ZNF718: variants seen among roughly 807,000 people sequenced by gnomAD.
ZNF718 encodes zinc finger protein 718.
ZNF718 carries 3 observed loss-of-function variants against 2.6 expected under a neutral mutation model. That is an observed-to-expected ratio of 1.16 (90% CI 0.53 to 3.01). The LOEUF (loss-of-function observed/expected upper bound fraction) is 3.01, where lower values mean the gene tolerates loss of function less well. Among genes scored for constraint, ZNF718 ranks in the 30% most tolerant of loss-of-function variants. ZNF718 has a pLI of 0.03. For missense variants in ZNF718, 468 were observed against 230.0 expected, an observed-to-expected ratio of 2.03 and a Z score of -6.69; for synonymous variants, 135 against 77.9, an observed-to-expected ratio of 1.73 and a Z score of -3.86.
At chr4:134,424 G>A (rs370803352) in intron 3 of ZNF718, among the ~76,000 whole-genome samples, 2 of 152,188 alleles carry the variant, frequency 1.3e-5, no homozygotes, top group South Asian at 2.1e-4. Flanking sequence ...GATTACAGGC[G>A]TGAGCCACCG....
rs1423208663 is a variant in ZNF718 at position 164,009 on chromosome 4, C to T, written c.*1887C>T. ...CCTCAAGCATTTATCCTTTGTATTA[C>T]AAACAATCCAATTATACACTTCATT... On this transcript the variant is annotated 3_prime_UTR_variant, in exon 4 of 4. Transcript: ENST00000510175. 6.6e-6 allele frequency: 1 copy of T among 151,970 alleles called. No homozygotes were observed. The highest frequency in any genetic ancestry group is 6.6e-5 in the Admixed American group (1 of 15,254). 9.4% of individuals were successfully genotyped at this position (151,970 alleles called of 1,614,324 possible). A position where few individuals can be genotyped will look rare whatever the true frequency, so the allele number is the denominator to read the frequency against.
intron 3 of ZNF718, among the ~76,000 whole-genome samples, chr4:148,450 A>G (rs1339622115): frequency 6.6e-6 from 1 of 151,848 alleles, no homozygotes. Context: ...CTCTACTAAA[A>G]ATACAAAAAT....
chr4:137,612 C>T (rs1344457956), intron 3 of ZNF718, among the ~76,000 whole-genome samples: 1 of 152,026 alleles, frequency 6.6e-6, no homozygotes, highest in Non-Finnish European at 1.5e-5. Flanking sequence ...AAAATTTTTT[C>T]AATAATTGTT....
At position 134,232 on chromosome 4, in the gene ZNF718, T is replaced by C. The variant is rs1277993852; in HGVS notation, c.226+2727T>C. Among the ~76,000 whole-genome samples, 62 of 152,308 alleles carry C rather than the reference T, an allele frequency of 4.1e-4. 1 individual carries two copies. Among genetic ancestry groups the C allele is most frequent in the African/African-American group, 1.4e-3 (59 of 41,570 alleles). ...CGCGATATCTACTCACTGCAAGGTC[T>C]GCCTCCCGGGTTCACACCATTCTCC... On this transcript the variant is annotated intron_variant, in intron 3 of 3. Transcript: ENST00000510175.
At chr4:183,445 C>G (rs1717505838) in intron 3 of ZNF718, among the ~76,000 whole-genome samples, 1 of 152,144 alleles carries the variant, frequency 6.6e-6, no homozygotes, top group African/African-American at 2.4e-5. Flanking sequence ...ATGCCTCCAG[C>G]TTTGTTCTTT....
chr4:161,490 A>T lies in ZNF718; in HGVS notation c.805A>T (p.Thr269Ser), dbSNP rs1553815138. Residue 269 changes from threonine (T) to serine (S), a missense_variant, in exon 4 of 4, where the codon ACC (threonine) becomes TCC (serine). By Grantham distance (58) the Thr-to-Ser change is moderately conservative. Coordinates refer to ENST00000510175, the MANE Select transcript of ZNF718 (RefSeq NM_001039127.6). ...TGGTAAAGCTTTTAACCAATCCTCA[A>T]CCCTTAATTTACATAAGAGAATTCA... Reference protein sequence around the residue: ...KCGKAFNQSSTLNLHKRIHSA... With the variant: ...KCGKAFNQSSSLNLHKRIHSA... The T allele has an allele frequency of 1.3e-6, 1 of 780,684 alleles. No individual in the cohort carries two copies. 48.4% of individuals were successfully genotyped at this position (780,684 alleles called of 1,614,324 possible). A position where few individuals can be genotyped will look rare whatever the true frequency, so the allele number is the denominator to read the frequency against.
chr4:153,566 T>TTCTTTTTCAG (rs1278165941), intron 3 of ZNF718, among the ~76,000 whole-genome samples: 1 of 151,668 alleles, frequency 6.6e-6, no homozygotes, highest in African/African-American at 2.4e-5. Context: ...CAGTTTTTCA[T>TTCTTTTTCAG]ATTTTTATCA....
intron 3 of ZNF718, among the ~76,000 whole-genome samples, chr4:198,323 C>T (rs1453931270): frequency 2.6e-5 from 4 of 152,176 alleles, no homozygotes; most frequent in Admixed American, 6.5e-5. Flanking sequence ...GACAGGCTCA[C>T]AGGGAGGCAT....
At chr4:124,733 A>G (rs1715115394) in intron 1 of ZNF718, 60 bp downstream of exon 1, 1 of 1,599,538 alleles carries the variant, frequency 6.3e-7, no homozygotes, top group African/African-American at 1.3e-5. Flanking sequence ...CCGGCGGGAA[A>G]TGGCGGCGGT....
rs781941200 is a variant in ZNF718 at position 161,284 on chromosome 4, C to T, written c.599C>T (p.Thr200Ile). The T allele has an allele frequency of 3.8e-6, 3 of 781,914 alleles. No individual in the cohort carries two copies. The highest frequency in any genetic ancestry group is 1.7e-5 in the African/African-American group (1 of 59,108). The allele number at this position is 781,914 out of a possible 1,614,324, so 48.4% of individuals were successfully genotyped here. The change falls in exon 4 of 4, where the codon ACA becomes ATA. Residue 200 changes from threonine (T) to isoleucine (I), a missense_variant. Thr to Ile is a moderately conservative substitution (Grantham distance 89). Coordinates refer to ENST00000510175, the MANE Select transcript of ZNF718 (RefSeq NM_001039127.6). The stretch of plus-strand genomic sequence containing the variant: ...ATTCATACTGGAGAGAACCCCTACA[C>T]ATGTGAAGAATGTGGCAAAGCCTTT... ...KRIHTGENPY[T>I]CEECGKAFNW... is the part of the protein sequence containing the mutation.
At chr4:172,099 G>T (rs1371955979) in intron 3 of ZNF718, among the ~76,000 whole-genome samples, 2 of 152,088 alleles carry the variant, frequency 1.3e-5, no homozygotes, top group African/African-American at 2.4e-5. Context: ...ACCGTACATG[G>T]TGACTAGTCA....
chr4:141,068 C>T (rs1715790390), intron 3 of ZNF718, among the ~76,000 whole-genome samples: 1 of 152,108 alleles, frequency 6.6e-6, no homozygotes, highest in Non-Finnish European at 1.5e-5. Context: ...CGGAATTGTC[C>T]ATATCCATTA....
At chr4:165,954 C>T (rs915504389), downstream of ZNF718, among the ~76,000 whole-genome samples, 1 of 152,052 alleles carries the variant, frequency 6.6e-6, no homozygotes, top group Non-Finnish European at 1.5e-5. Flanking sequence ...TGTGCTGCAC[C>T]CATTAACTTG....
chr4:200,937 A>G (rs1188374566), intron 3 of ZNF718: 2 of 152,590 alleles, frequency 1.3e-5, no homozygotes, highest in African/African-American at 4.8e-5. Context: ...AATTGGATAT[A>G]CAAGTATAAT....
rs1553815403 is a variant in ZNF718, at chr4:161,846, A to T, written c.1161A>T (p.Arg387Ser). The change falls in exon 4 of 4, where the codon AGA becomes AGT. Residue 387 changes from arginine to serine, a missense_variant. By Grantham distance (110) the Arg-to-Ser change is moderately radical. Transcript: ENST00000510175. ...NWSSTLNVHK[R>S]IHSGKNPYKC... ...CCTCAACCCTTAATGTACACAAGAGAATTCACTCTGGAAAAAATCCCTACA... is the reference window on the plus strand; with the variant it reads ...CCTCAACCCTTAATGTACACAAGAGTATTCACTCTGGAAAAAATCCCTACA... 1 of 780,766 alleles carries T rather than the reference A, an allele frequency of 1.3e-6. No homozygotes were observed. The highest frequency in any genetic ancestry group is 1.7e-5 in the African/African-American group (1 of 59,130). The allele number at this position is 780,766 out of a possible 1,614,324, so 48.4% of individuals were successfully genotyped here.
intron 3 of ZNF718, among the ~76,000 whole-genome samples, chr4:152,287 CT>C (rs1308267806): frequency 7.3e-6 from 1 of 137,576 alleles, no homozygotes; most frequent in East Asian, 2.1e-4. Context: ...AGCACAGACC[CT>C]TTACGGGTGT....
intron 3 of ZNF718, among the ~76,000 whole-genome samples, chr4:183,808 G>T (rs758288829): frequency 6.6e-5 from 10 of 151,966 alleles, no homozygotes; most frequent in Non-Finnish European, 1.0e-4. Context: ...CTCTCAACTG[G>T]CCTGTTTTTG....
intron 3 of ZNF718, among the ~76,000 whole-genome samples, chr4:188,541 G>C (rs1287758494): frequency 6.6e-6 from 1 of 152,160 alleles, no homozygotes; most frequent in Non-Finnish European, 1.5e-5. Flanking sequence ...CCTCTTCCTG[G>C]AGGCATGCAC....
intron 1 of ZNF718, among the ~76,000 whole-genome samples, chr4:125,975 A>G (rs551628701): frequency 6.6e-6 from 1 of 152,208 alleles, no homozygotes; most frequent in South Asian, 2.1e-4. Context: ...ATCTGATCTT[A>G]ATCTCCTATG....
Sources: allele counts gnomAD v4.1 joint callset (sites outside exome capture counted in the v4.1 genomes callset), GRCh38; gene constraint gnomAD v4.1.1; transcripts MANE v1.5; gene names NCBI Gene and HGNC (gene_info 2026-07-23, HGNC 2026-07-21).